MPP7: variants seen among roughly 807,000 people sequenced by gnomAD.
MPP7 encodes MAGUK p55 subfamily member 7.
MPP7 carries 60 observed loss-of-function variants against 76.5 expected under a neutral mutation model. That is an observed-to-expected ratio of 0.78 (90% CI 0.64 to 0.97). MPP7 has a LOEUF of 0.97. Among genes scored for constraint, MPP7 ranks in the 50% least tolerant of loss-of-function variants. The pLI, the probability that MPP7 is intolerant of heterozygous loss-of-function variation, is 0.00. For synonymous variants in MPP7, 237 were observed against 244.5 expected, an observed-to-expected ratio of 0.97 and a Z score of 0.29; for missense variants, 641 against 694.0, an observed-to-expected ratio of 0.92 and a Z score of 0.86.
chr10:28,114,680 C>T (rs1446670445), intron 11 of MPP7, among the ~76,000 whole-genome samples: 1 of 152,188 alleles, frequency 6.6e-6, no homozygotes, highest in Non-Finnish European at 1.5e-5. Flanking sequence ...TCCCCACCCC[C>T]TACCGCAATC....
chr10:28,200,455 A>G (rs1588915582), intron 3 of MPP7, among the ~76,000 whole-genome samples: 1 of 152,342 alleles, frequency 6.6e-6, no homozygotes, highest in South Asian at 2.1e-4. Context: ...TGTTTTTATG[A>G]AATCAGATAT....
chr10:28,132,402 A>G (rs1379671108), intron 5 of MPP7, among the ~76,000 whole-genome samples: 1 of 152,094 alleles, frequency 6.6e-6, no homozygotes, highest in Non-Finnish European at 1.5e-5. Context: ...TCTTACTGAC[A>G]TTCTCAATAA....
intron 4 of MPP7, among the ~76,000 whole-genome samples, chr10:28,148,528 T>C (rs1208207367): frequency 6.6e-6 from 1 of 152,184 alleles, no homozygotes; most frequent in Non-Finnish European, 1.5e-5. Flanking sequence ...AGGAATTTTC[T>C]CTAAAAGAAG....
chr10:28,105,531 A>G (rs1834295670), intron 11 of MPP7, among the ~76,000 whole-genome samples: 1 of 152,160 alleles, frequency 6.6e-6, no homozygotes, highest in Non-Finnish European at 1.5e-5. Flanking sequence ...ATTTTGAGAC[A>G]GAATCTGGCT....
intron 1 of MPP7, chr10:28,334,365 C>T (rs1273181348): frequency 6.6e-6 from 1 of 152,102 alleles, no homozygotes; most frequent in Non-Finnish European, 1.5e-5. Flanking sequence ...GTGATCTGGA[C>T]AAAACAAGAG....
At chr10:28,091,340 T>C (rs1039316484) in intron 11 of MPP7, among the ~76,000 whole-genome samples, 1 of 150,626 alleles carries the variant, frequency 6.6e-6, no homozygotes, top group Non-Finnish European at 1.5e-5. Context: ...CAGGCTAGAG[T>C]GCAATGGCAT....
At chr10:28,073,826 C>G (rs1313504904) in intron 12 of MPP7, among the ~76,000 whole-genome samples, 2 of 151,758 alleles carry the variant, frequency 1.3e-5, no homozygotes, top group East Asian at 3.9e-4. Flanking sequence ...TGATCTGAAC[C>G]CTGCCCTGTC....
At chr10:28,260,779 A>AC (rs1161361118) in intron 1 of MPP7, among the ~76,000 whole-genome samples, 7 of 151,624 alleles carry the variant, frequency 4.6e-5, no homozygotes, top group African/African-American at 1.7e-4. Flanking sequence ...CAAAAAAAAA[A>AC]AAAAAAAAAA....
intron 2 of MPP7, among the ~76,000 whole-genome samples, chr10:28,232,601 A>C (rs1248791741): frequency 2.0e-5 from 3 of 152,238 alleles, no homozygotes; most frequent in African/African-American, 7.2e-5. Context: ...GAAAATTTAC[A>C]ATATGTTTTC....
chr10:28,176,380 G>A (rs1210327419), intron 3 of MPP7, among the ~76,000 whole-genome samples: 1 of 145,518 alleles, frequency 6.9e-6, no homozygotes, highest in African/African-American at 2.6e-5. Flanking sequence ...CAAAACACAG[G>A]AGTCAACTTG....
chr10:28,079,214 A>G (rs1475125732), intron 12 of MPP7, among the ~76,000 whole-genome samples: 2 of 152,236 alleles, frequency 1.3e-5, no homozygotes, highest in African/African-American at 4.8e-5. Flanking sequence ...AAAAACAAAA[A>G]GTATATTTTG....
intron 5 of MPP7, among the ~76,000 whole-genome samples, chr10:28,142,983 T>C (rs1037410020): frequency 6.6e-6 from 1 of 152,114 alleles, no homozygotes; most frequent in African/African-American, 2.4e-5. Flanking sequence ...ATACAAAAGA[T>C]GTGCATCATA....
intron 3 of MPP7, among the ~76,000 whole-genome samples, chr10:28,193,214 T>C (rs1189809466): frequency 1.4e-5 from 2 of 139,240 alleles, no homozygotes; most frequent in African/African-American, 3.0e-5. Flanking sequence ...GTTGGTTTTT[T>C]GTTTTTTTTT....
chr10:28,142,304 AAC>A lies in MPP7; in HGVS notation c.315+5177_315+5178del, dbSNP rs1158783429. 3.3e-5 allele frequency among the ~76,000 whole-genome samples: 5 copies of A among 152,196 alleles called. No homozygotes were observed. The South Asian group carries it at 6.2e-4, about 19-fold the overall frequency. The stretch of plus-strand genomic sequence containing the variant: ...ATGTCACTCACAAGTCATTAGGAAA[AAC>A]ACAAAATTTTTACTAATCATTATTT... On this transcript the variant is annotated intron_variant, in intron 5 of 16. Coordinates refer to ENST00000683449, the MANE Select transcript of MPP7 (RefSeq NM_001318170.2).
At chr10:28,224,267 T>A (rs1838616218) in intron 2 of MPP7, among the ~76,000 whole-genome samples, 3 of 152,038 alleles carry the variant, frequency 2.0e-5, no homozygotes, top group South Asian at 4.1e-4. Context: ...AATTAGTTTC[T>A]GAAAATCTTA....
At chr10:28,304,161 CA>C (rs1424251084), upstream of MPP7, among the ~76,000 whole-genome samples, 1 of 152,110 alleles carries the variant, frequency 6.6e-6, no homozygotes. Context: ...AGATAAGGAT[CA>C]ATGACCTGCA....
At chr10:28,229,838 G>C (rs1838819568) in intron 2 of MPP7, among the ~76,000 whole-genome samples, 1 of 151,464 alleles carries the variant, frequency 6.6e-6, no homozygotes, top group Admixed American at 6.6e-5. Flanking sequence ...GCAGTGAGCT[G>C]AGATCACGCC....
chr10:28,225,172 C>A (rs918475855), intron 2 of MPP7, among the ~76,000 whole-genome samples: 5 of 152,078 alleles, frequency 3.3e-5, no homozygotes, highest in Non-Finnish European at 5.9e-5. Context: ...CAAAAATTAG[C>A]TTAAAATGGA....
chr10:28,258,505 T>C (rs1227731694), intron 1 of MPP7, among the ~76,000 whole-genome samples: 1 of 150,642 alleles, frequency 6.6e-6, no homozygotes, highest in African/African-American at 2.4e-5. Context: ...ATTCAAGCAA[T>C]TCCCCTGCCT....
Sources: gnomAD v4.1 joint callset for allele counts (sites outside exome capture counted in the v4.1 genomes callset) on GRCh38, gnomAD v4.1.1 for gene constraint, MANE v1.5 for transcripts, NCBI Gene and HGNC (gene_info 2026-07-23, HGNC 2026-07-21) for gene names.